KIAA1217: variants seen among roughly 807,000 people sequenced by gnomAD.
KIAA1217 encodes the protein KIAA1217.
KIAA1217 carries 88 observed loss-of-function variants against 163.9 expected under a neutral mutation model. The observed-to-expected ratio is 0.54, with a 90% CI of 0.45 to 0.64. The LOEUF (loss-of-function observed/expected upper bound fraction) is 0.64, where lower values mean the gene tolerates loss of function less well. Ranked by LOEUF, KIAA1217 falls within the 30% of genes least tolerant of loss-of-function variation. The pLI is 0.00. For missense variants in KIAA1217, 2,372 were observed against 2,475.0 expected, an observed-to-expected ratio of 0.96 and a Z score of 0.88; for synonymous variants, 903 against 923.1, an observed-to-expected ratio of 0.98 and a Z score of 0.39.
chr10:24,313,678 A>G (rs12255883), intron 2 of KIAA1217, among the ~76,000 whole-genome samples: 5,828 of 151,862 alleles, frequency 0.038, 404 homozygotes, highest in African/African-American at 0.13. Context: ...GTTTATTTTG[A>G]GTGTTTATAG....
At chr10:23,838,318 A>G (rs934360148) in intron 1 of KIAA1217, among the ~76,000 whole-genome samples, 2 of 152,204 alleles carry the variant, frequency 1.3e-5, no homozygotes, top group Non-Finnish European at 2.9e-5. Flanking sequence ...TTACTGATAT[A>G]TGAGAATACA....
intron 2 of KIAA1217, among the ~76,000 whole-genome samples, chr10:24,247,828 C>T (rs989885455): frequency 9.9e-5 from 15 of 152,146 alleles, no homozygotes; most frequent in African/African-American, 3.6e-4. Context: ...GGAATGATGT[C>T]CAATAAATCA....
intron 1 of KIAA1217, among the ~76,000 whole-genome samples, chr10:23,931,301 C>T (rs1237254796): frequency 6.6e-6 from 1 of 151,820 alleles, no homozygotes; most frequent in Non-Finnish European, 1.5e-5. Flanking sequence ...GTGACTTGTC[C>T]TTGATCGCAT....
chr10:24,256,815 T>A (rs1293626975), intron 2 of KIAA1217, among the ~76,000 whole-genome samples: 1 of 152,188 alleles, frequency 6.6e-6, no homozygotes. Flanking sequence ...TGAGGTGATA[T>A]TGAGCCAGCA....
chr10:24,034,614 G>A (rs1358017464), intron 2 of KIAA1217, among the ~76,000 whole-genome samples: 2 of 151,700 alleles, frequency 1.3e-5, no homozygotes, highest in African/African-American at 2.4e-5. Flanking sequence ...AAGCTACCAG[G>A]TTGTTTGTCT....
chr10:24,546,407 T>C lies in KIAA1217; in HGVS notation c.*83T>C. 1 of 1,328,100 alleles carries C rather than the reference T, an allele frequency of 7.5e-7. No homozygotes were observed. The highest frequency in any genetic ancestry group is 2.4e-5 in the East Asian group (1 of 42,384). 82.3% of individuals were successfully genotyped at this position (1,328,100 alleles called of 1,614,324 possible). A position where few individuals can be genotyped will look rare whatever the true frequency, so the allele number is the denominator to read the frequency against. Reference sequence around the variant, plus strand: ...CAACAACTGTTTTCACAAGAGAATGTAACATATTGCTGTATCGTTTGAGGC... The same window carrying C: ...CAACAACTGTTTTCACAAGAGAATGCAACATATTGCTGTATCGTTTGAGGC... On this transcript the variant is annotated 3_prime_UTR_variant, in exon 21 of 21. Coordinates refer to ENST00000376454, the MANE Select transcript of KIAA1217 (RefSeq NM_019590.5).
At chr10:23,836,771 A>T (rs1039063275) in intron 1 of KIAA1217, among the ~76,000 whole-genome samples, 2 of 150,524 alleles carry the variant, frequency 1.3e-5, no homozygotes, top group Admixed American at 6.6e-5. Flanking sequence ...ACAAAAAATA[A>T]AAAAAAAAAT....
rs188587224 is a variant in KIAA1217 at position 23,730,162 on chromosome 10, A to G, written c.-321+34928A>G. 1.8e-4 allele frequency among the ~76,000 whole-genome samples: 27 copies of G among 152,268 alleles called. 1 individual carries two copies. In the East Asian group the frequency reaches 5.2e-3, roughly 29 times the overall value. On this transcript the variant is annotated intron_variant, in intron 1 of 18. Transcript: ENST00000376462. ...GTGATCTGCCCGCCTCGGCCTCCCAAAGTGCTGGGATTACAGGCGTGAGCC... is the reference window on the plus strand; with the variant it reads ...GTGATCTGCCCGCCTCGGCCTCCCAGAGTGCTGGGATTACAGGCGTGAGCC...
chr10:24,023,489 C>A (rs1348058615), intron 2 of KIAA1217, among the ~76,000 whole-genome samples: 2 of 151,556 alleles, frequency 1.3e-5, no homozygotes, highest in African/African-American at 4.8e-5. Context: ...ACAGTATTCA[C>A]TGGGTACAAA....
intron 2 of KIAA1217, among the ~76,000 whole-genome samples, chr10:24,187,389 CT>C (rs2066488732): frequency 1.3e-5 from 2 of 152,180 alleles, no homozygotes; most frequent in Non-Finnish European, 2.9e-5. Context: ...GAGGGTCCGG[CT>C]TCCAAAAAAT....
intron 2 of KIAA1217, among the ~76,000 whole-genome samples, chr10:24,106,681 C>A (rs572875486): frequency 5.9e-5 from 9 of 152,232 alleles, no homozygotes; most frequent in African/African-American, 2.2e-4. Context: ...CCCAGCTTAT[C>A]CCACCTTACT....
chr10:23,709,004 G>C (rs538260485), intron 1 of KIAA1217, among the ~76,000 whole-genome samples: 86 of 152,222 alleles, frequency 5.6e-4, no homozygotes, highest in African/African-American at 2.0e-3. Context: ...TGGAGAAAAA[G>C]GGCAGTGTGG....
At chr10:23,809,052 A>G (rs1836867092) in intron 1 of KIAA1217, among the ~76,000 whole-genome samples, 1 of 152,120 alleles carries the variant, frequency 6.6e-6, no homozygotes. Flanking sequence ...AGAATACTAT[A>G]CCTAGGATAA....
At chr10:23,793,085 G>T (rs1288408338) in intron 1 of KIAA1217, among the ~76,000 whole-genome samples, 2 of 152,004 alleles carry the variant, frequency 1.3e-5, no homozygotes, top group South Asian at 4.2e-4. Context: ...GGTCATTTCT[G>T]CTCCAGACCG....
intron 1 of KIAA1217, among the ~76,000 whole-genome samples, chr10:23,865,984 C>A (rs572191475): frequency 4.4e-4 from 67 of 152,230 alleles, no homozygotes; most frequent in African/African-American, 1.4e-3. Flanking sequence ...TTATAGCTGG[C>A]AAAGCAAATC....
chr10:24,187,084 C>T (rs1019507284), intron 2 of KIAA1217, among the ~76,000 whole-genome samples: 2 of 152,242 alleles, frequency 1.3e-5, no homozygotes, highest in African/African-American at 4.8e-5. Flanking sequence ...CTTTGAGACT[C>T]TCCGTACAGC....
At chr10:24,375,090 G>A (rs1309115150) in intron 2 of KIAA1217, among the ~76,000 whole-genome samples, 1 of 152,128 alleles carries the variant, frequency 6.6e-6, no homozygotes, top group Non-Finnish European at 1.5e-5. Flanking sequence ...CTGACCCCAG[G>A]GCTCGCTGTT....
intron 2 of KIAA1217, among the ~76,000 whole-genome samples, chr10:24,286,394 T>C (rs1009715959): frequency 6.6e-6 from 1 of 152,086 alleles, no homozygotes; most frequent in Non-Finnish European, 1.5e-5. Context: ...ATTAATACAC[T>C]TAATAATGCT....
intron 1 of KIAA1217, among the ~76,000 whole-genome samples, chr10:23,933,917 G>T (rs1843361909): frequency 6.6e-6 from 1 of 152,128 alleles, no homozygotes; most frequent in East Asian, 1.9e-4. Context: ...TGGAGAAAAA[G>T]AAACACTTTT....
Sources: allele counts gnomAD v4.1 joint callset (sites outside exome capture counted in the v4.1 genomes callset), GRCh38; gene constraint gnomAD v4.1.1; transcripts MANE v1.5; gene names NCBI Gene and HGNC (gene_info 2026-07-23, HGNC 2026-07-21).